The following CLASP1 variants were observed in gnomAD, a reference collection of about 807,000 sequenced individuals.
CLASP1 encodes CLIP-associating protein 1.
In CLASP1, 38 loss-of-function variants were observed where a neutral mutation model predicts 192.3. The ratio of observed to expected loss-of-function variants is 0.20; its 90% CI spans 0.15 to 0.26. The LOEUF (loss-of-function observed/expected upper bound fraction) is 0.26. CLASP1 is among the 10% of genes least tolerant of loss of function. The pLI, the probability that CLASP1 is intolerant of heterozygous loss-of-function variation, is 1.00. For missense variants in CLASP1, 1,433 were observed against 1,932.5 expected (o/e 0.74, Z 4.85); for synonymous variants, 691 against 712.8 (o/e 0.97, Z 0.49).
chr2:121,429,691 G>T (rs998837709), intron 20 of CLASP1, among the ~76,000 whole-genome samples: 2 of 152,176 alleles, frequency 1.3e-5, no homozygotes, highest in African/African-American at 4.8e-5. Flanking sequence ...TTTACCACTG[G>T]AAAGAACATA....
chr2:121,478,948 C>CACA (rs2092276414), intron 8 of CLASP1, among the ~76,000 whole-genome samples: 1 of 92,750 alleles, frequency 1.1e-5, no homozygotes, highest in African/African-American at 4.5e-5. Flanking sequence ...CCCACACACA[C>CACA]ACCACACACA....
chr2:121,631,179 A>G (rs1175923835), intron 1 of CLASP1, among the ~76,000 whole-genome samples: 8 of 150,456 alleles, frequency 5.3e-5, no homozygotes, highest in African/African-American at 2.0e-4. Flanking sequence ...AAAAAAAAAA[A>G]AAAGAAATGA....
At chr2:121,358,490 C>A (rs2065815720) in intron 37 of CLASP1, among the ~76,000 whole-genome samples, 1 of 152,204 alleles carries the variant, frequency 6.6e-6, no homozygotes, top group Non-Finnish European at 1.5e-5. Flanking sequence ...GGGGGTCTGG[C>A]TGAGATGAGG....
intron 26 of CLASP1, 96 bp from the exon 28 acceptor site, chr2:121,401,966 A>G (rs2076217693): frequency 1.9e-6 from 1 of 519,182 alleles, no homozygotes; most frequent in Non-Finnish European, 3.7e-6. Flanking sequence ...TTTTTTTAAG[A>G]AAACCTGAAA....
rs376007044 is a variant in CLASP1 at position 121,367,677 on chromosome 2, G to A, written c.3797C>T (p.Pro1266Leu). The A allele has an allele frequency of 9.0e-5, 145 of 1,614,038 alleles. 1 individual carries two copies. The Admixed American group carries it at 1.3e-3, about 15-fold the overall frequency. ...GTTGATGGCATCTGAGTAGGGGTAC[G>A]GGTTGTAGTCTCGCGCCCGCGGCCC... Residue 1266 changes from proline to leucine, a missense_variant, in exon 35 of 40, where the codon CCG (proline) becomes CTG (leucine). Physicochemically the swap from Pro to Leu is moderately conservative, Grantham distance 98. Coordinates refer to ENST00000263710, the Ensembl canonical transcript of CLASP1.
exon 17 of CLASP1, chr2:121,449,046 T>C: frequency 6.2e-7 from 1 of 1,614,002 alleles, no homozygotes. Flanking sequence ...CAGGGCTTTC[T>C]GGTAGGAGGA....
At chr2:121,472,744 G>A (rs975985579) in intron 8 of CLASP1, among the ~76,000 whole-genome samples, 20 of 150,610 alleles carry the variant, frequency 1.3e-4, no homozygotes, top group African/African-American at 4.8e-4. Flanking sequence ...GGTGTGAAAT[G>A]AAAAATTCTT....
At chr2:121,605,600 G>A in intron 2 of CLASP1, 101 bp downstream of exon 2, 1 of 768,020 alleles carries the variant, frequency 1.3e-6, no homozygotes, top group Non-Finnish European at 2.2e-6. Context: ...AGAAACCAAG[G>A]AAGCATGCTG....
At position 121,438,347 on chromosome 2, in the gene CLASP1, T is replaced by C. The variant is rs538182614; in HGVS notation, c.1913-8170A>G. On this transcript the variant is annotated intron_variant, in intron 19 of 39. Coordinates refer to ENST00000263710, the Ensembl canonical transcript of CLASP1. ...ATGAGAAAAGATTAGGGGTTTTTTTTCCCCCTCTGTTTAAGGCAAAGTCAA... is the reference window on the plus strand; with the variant it reads ...ATGAGAAAAGATTAGGGGTTTTTTTCCCCCCTCTGTTTAAGGCAAAGTCAA... Among the ~76,000 whole-genome samples, 48 of 152,288 alleles carry C rather than the reference T, an allele frequency of 3.2e-4. 1 individual carries two copies. Among genetic ancestry groups the C allele is most frequent in the African/African-American group, 1.1e-3 (45 of 41,550 alleles).
intron 8 of CLASP1, among the ~76,000 whole-genome samples, chr2:121,494,966 G>A (rs1191353512): frequency 1.3e-5 from 2 of 152,056 alleles, no homozygotes; most frequent in Admixed American, 6.6e-5. Flanking sequence ...AGGTAACAGC[G>A]AGCCAAGATC....
intron 35 of CLASP1, 131 bp from the exon 37 acceptor site, chr2:121,365,415 TC>T: frequency 5.9e-6 from 5 of 842,398 alleles, no homozygotes; most frequent in South Asian, 1.6e-5. Context: ...ACGGTTCCCC[TC>T]CCACCCTCCG....
chr2:121,475,627 G>T (rs1351492361), intron 8 of CLASP1, among the ~76,000 whole-genome samples: 4 of 152,200 alleles, frequency 2.6e-5, no homozygotes, highest in Non-Finnish European at 5.9e-5. Flanking sequence ...CATACGTCTG[G>T]TAGTATCTAA....
chr2:121,441,161 G>A (rs965060586), intron 19 of CLASP1, among the ~76,000 whole-genome samples: 3 of 152,140 alleles, frequency 2.0e-5, no homozygotes, highest in Non-Finnish European at 4.4e-5. Context: ...CCACTAGAGA[G>A]CCTTATGTCA....
At chr2:121,633,006 G>GTATATATATATATATATATATA (rs2070048988) in intron 1 of CLASP1, among the ~76,000 whole-genome samples, 3 of 109,882 alleles carry the variant, frequency 2.7e-5, no homozygotes, top group African/African-American at 1.6e-4. Flanking sequence ...GTATGTGTGT[G>GTATATATATATATATATATATA]CATATATATA....
intron 14 of CLASP1, among the ~76,000 whole-genome samples, chr2:121,457,458 TACACACACACACAC>T (rs112547655): frequency 5.6e-5 from 8 of 143,450 alleles, no homozygotes; most frequent in African/African-American, 1.3e-4. Flanking sequence ...CACACAGACA[TACACACACACACAC>T]ACACACACAC....
intron 1 of CLASP1, among the ~76,000 whole-genome samples, chr2:121,645,070 A>G (rs1340190275): frequency 6.6e-6 from 1 of 152,124 alleles, no homozygotes; most frequent in Non-Finnish European, 1.5e-5. Context: ...CACTATAATC[A>G]GCCATCGATT....
intron 7 of CLASP1, among the ~76,000 whole-genome samples, chr2:121,510,408 T>C (rs530765033): frequency 3.3e-5 from 5 of 152,334 alleles, no homozygotes; most frequent in Non-Finnish European, 7.3e-5. Context: ...GGGAATTCTA[T>C]GAACAATTAT....
chr2:121,476,861 CAG>C (rs907767423), intron 8 of CLASP1, among the ~76,000 whole-genome samples: 1 of 152,210 alleles, frequency 6.6e-6, no homozygotes, highest in African/African-American at 2.4e-5. Context: ...GGAAGCTGCA[CAG>C]AGACAGGATA....
intron 8 of CLASP1, among the ~76,000 whole-genome samples, chr2:121,500,285 A>T (rs1204851458): frequency 2.7e-5 from 4 of 150,680 alleles, no homozygotes; most frequent in African/African-American, 9.8e-5. Context: ...GAGGTGGGGG[A>T]GAGAGAGAAA....
Sources: gnomAD v4.1 joint callset for allele counts (sites outside exome capture counted in the v4.1 genomes callset) on GRCh38, gnomAD v4.1.1 for gene constraint, MANE v1.5 for transcripts, NCBI Gene and HGNC (gene_info 2026-07-23, HGNC 2026-07-21) for gene names.